CRYBG3: variants seen among roughly 807,000 people sequenced by gnomAD.
The protein encoded by CRYBG3 is very large A-kinase anchor protein.
CRYBG3 carries 127 observed loss-of-function variants against 244.2 expected under a neutral mutation model. That is an observed-to-expected ratio of 0.52 (90% confidence interval 0.45 to 0.60). CRYBG3 has a LOEUF of 0.60. Ranked by LOEUF, CRYBG3 falls within the 20% of genes least tolerant of loss-of-function variation. The pLI, the probability that CRYBG3 is intolerant of heterozygous loss-of-function variation, is 0.00. For synonymous variants in CRYBG3, 1,132 were observed against 1,195.8 expected (o/e 0.95, Z 1.10); for missense variants, 3,325 against 3,442.5 (o/e 0.97, Z 0.85).
At position 97,892,891 on chromosome 3, in the gene CRYBG3, G is replaced by T; in HGVS notation, c.7472G>T (p.Gly2491Val). ...ATTTATGAAAAACCTCACTTCCATG[G>T]ACAGGCTAAAGAGTTTAGTGAACAT... Reference protein sequence around the residue: ...VIIYEKPHFHGQAKEFSEHID... With the variant: ...VIIYEKPHFHVQAKEFSEHID... Residue 2491 changes from glycine to valine, a missense_variant, in exon 11 of 22, where the codon GGA becomes GTA. Physicochemically the swap from Gly to Val is moderately radical, Grantham distance 109. Around this residue, in one of 4 missense-constraint regions of CRYBG3, gnomAD observed 714 missense variants for 803.6 expected, o/e 0.89. Transcript: ENST00000389622. 3 of 1,541,812 alleles carry T rather than the reference G, an allele frequency of 1.9e-6. No homozygotes were observed. Among genetic ancestry groups the T allele is most frequent in the Non-Finnish European group, 1.8e-6 (2 of 1,131,642 alleles).
rs36107870 is a variant in CRYBG3 at position 97,854,591 on chromosome 3, ATT to A, written c.217-9612_217-9611del. Reference sequence around the variant, plus strand: ...TCCTTTGTTAGGTATACTCCTAAGTATTTTTTTTTTTTTTTGCAGCTGTTGTA... The same window carrying A: ...TCCTTTGTTAGGTATACTCCTAAGTATTTTTTTTTTTTTGCAGCTGTTGTA... On this transcript the variant is annotated intron_variant, in intron 2 of 21. Transcript: ENST00000389622. 2.0e-3 allele frequency among the ~76,000 whole-genome samples: 279 copies of A among 136,980 alleles called. 1 individual carries two copies. The Middle Eastern group carries it at 0.03, about 15-fold the overall frequency. The allele number at this position is 136,980 out of a possible 152,430, so 89.9% of individuals were successfully genotyped here.
intron 2 of CRYBG3, among the ~76,000 whole-genome samples, chr3:97,856,660 G>A (rs1250571291): frequency 6.6e-6 from 1 of 152,098 alleles, no homozygotes; most frequent in Non-Finnish European, 1.5e-5. Context: ...ACAACATCCA[G>A]GAATGTATTC....
chr3:97,844,739 C>T (rs1175428536), intron 2 of CRYBG3, among the ~76,000 whole-genome samples: 1 of 152,170 alleles, frequency 6.6e-6, no homozygotes, highest in Non-Finnish European at 1.5e-5. Context: ...AAAGTTACAT[C>T]TTTGTGGATT....
chr3:97,849,667 G>A (rs138303150), intron 2 of CRYBG3, among the ~76,000 whole-genome samples: 14 of 152,228 alleles, frequency 9.2e-5, no homozygotes, highest in East Asian at 1.9e-4. Flanking sequence ...CCTACATTGC[G>A]GTATGATGGA....
chr3:97,940,299 T>C (rs1350135854), intron 19 of CRYBG3, among the ~76,000 whole-genome samples: 3 of 152,028 alleles, frequency 2.0e-5, no homozygotes, highest in Admixed American at 6.6e-5. Flanking sequence ...CATTTCAACA[T>C]AGGTCTGAGA....
At chr3:97,896,175 T>A in intron 12 of CRYBG3, 90 bp downstream of exon 12, 1 of 1,256,652 alleles carries the variant, frequency 8.0e-7, no homozygotes, top group Non-Finnish European at 1.1e-6. Context: ...CATGAGATTA[T>A]AAAATATTTC....
intron 15 of CRYBG3, among the ~76,000 whole-genome samples, chr3:97,910,294 C>T (rs1559741135): frequency 6.6e-6 from 1 of 152,194 alleles, no homozygotes; most frequent in Non-Finnish European, 1.5e-5. Context: ...AGCTTCCTGG[C>T]TGCTTTGTTT....
intron 2 of CRYBG3, among the ~76,000 whole-genome samples, chr3:97,849,423 C>T (rs899341832): frequency 1.3e-5 from 2 of 151,798 alleles, no homozygotes; most frequent in Middle Eastern, 6.8e-3. Context: ...CAAAATCTTG[C>T]CTCTTGATTG....
intron 1 of CRYBG3, among the ~76,000 whole-genome samples, chr3:97,831,953 C>A (rs1483331716): frequency 6.6e-6 from 1 of 151,802 alleles, no homozygotes; most frequent in Admixed American, 6.6e-5. Context: ...CATGTGTTCA[C>A]CTATATGCTT....
At chr3:97,891,835 C>T (rs1042086296) in intron 10 of CRYBG3, among the ~76,000 whole-genome samples, 1 of 152,178 alleles carries the variant, frequency 6.6e-6, no homozygotes, top group Non-Finnish European at 1.5e-5. Context: ...GAATGACTTT[C>T]TGGTGAAGCT....
At position 97,941,254 on chromosome 3, in the gene CRYBG3, G is replaced by C; in HGVS notation, c.8612G>C (p.Ser2871Thr). ...RATSVCISPY[S>T]GKNTQIWYYC... The stretch of plus-strand genomic sequence containing the variant: ...ACATCTGTGTGCATTTCTCCCTATA[G>C]TGGAAAGAATACTCAGATCTGGTAC... Residue 2871 changes from serine to threonine, a missense_variant, in exon 20 of 22, where the codon AGT becomes ACT. Ser to Thr is a moderately conservative substitution (Grantham distance 58). Around this residue, in one of 4 missense-constraint regions of CRYBG3, gnomAD observed 714 missense variants for 803.6 expected, o/e 0.89. Coordinates refer to ENST00000389622, the MANE Select transcript of CRYBG3 (RefSeq NM_153605.4). 1.2e-6 allele frequency: 2 copies of C among 1,611,504 alleles called. No individual in the cohort carries two copies. The highest frequency in any genetic ancestry group is 2.2e-5 in the East Asian group (1 of 44,820).
At chr3:97,924,469 G>A (rs1368431143) in intron 17 of CRYBG3, 2 of 436,808 alleles carry the variant, frequency 4.6e-6, no homozygotes, top group Non-Finnish European at 9.1e-6. Flanking sequence ...TGTAAACTTA[G>A]TAGCTTAAGA....
intron 1 of CRYBG3, among the ~76,000 whole-genome samples, chr3:97,833,618 G>A (rs1282034461): frequency 6.6e-6 from 1 of 151,968 alleles, no homozygotes; most frequent in East Asian, 1.9e-4. Context: ...TACCTAATGT[G>A]ATGACAGGTT....
At chr3:97,881,577 G>C (rs537987778) in intron 7 of CRYBG3, among the ~76,000 whole-genome samples, 4 of 151,936 alleles carry the variant, frequency 2.6e-5, no homozygotes, top group Non-Finnish European at 5.9e-5. Flanking sequence ...TTGGCCGGGC[G>C]TGGTGGTGCA....
intron 17 of CRYBG3, chr3:97,933,007 T>A: frequency 2.5e-6 from 1 of 398,788 alleles, no homozygotes; most frequent in Non-Finnish European, 4.9e-6. Context: ...ATCTGTACAG[T>A]TTTAATTTAA....
chr3:97,872,649 G>C lies in CRYBG3; in HGVS notation c.1455G>C (p.Lys485Asn), dbSNP rs1005616571. ...SDKQTIDSSS[K>N]QAATHTNIIA... ...AGCAAACCATAGATAGCTCATCAAA[G>C]CAAGCTGCCACTCACACCAATATCA... The change falls in exon 4 of 22, where the codon AAG becomes AAC. Residue 485 changes from lysine (K) to asparagine (N), a missense_variant. By Grantham distance (94) the Lys-to-Asn change is moderately conservative (BLOSUM62 0). Around this residue, in one of 4 missense-constraint regions of CRYBG3, gnomAD observed 1,526 missense variants for 1,443.2 expected, o/e 1.06. Coordinates refer to ENST00000389622, the MANE Select transcript of CRYBG3 (RefSeq NM_153605.4). The C allele has an allele frequency of 2.6e-5, 40 of 1,535,868 alleles. No homozygotes were observed. The African/African-American group carries it at 5.3e-4, about 21-fold the overall frequency.
intron 1 of CRYBG3, among the ~76,000 whole-genome samples, chr3:97,831,016 A>G (rs540618221): frequency 1.3e-4 from 20 of 152,330 alleles, no homozygotes; most frequent in African/African-American, 4.3e-4. Flanking sequence ...TCACTAAGAA[A>G]TCAACTGACA....
chr3:97,871,832 C>A lies in CRYBG3; in HGVS notation c.648-10C>A. On this transcript the variant is annotated splice_polypyrimidine_tract_variant and intron_variant, in intron 3 of 21. Coordinates refer to ENST00000389622, the MANE Select transcript of CRYBG3 (RefSeq NM_153605.4). ...ATATTTCCTGATACTCTCATGCTTT[C>A]TTTTTACAGACAAATCGATGGTAAA... 6.8e-7 allele frequency: 1 copy of A among 1,473,140 alleles called. No individual in the cohort carries two copies. Among genetic ancestry groups the A allele is most frequent in the Non-Finnish European group, 8.9e-7 (1 of 1,121,378 alleles). The allele number at this position is 1,473,140 out of a possible 1,614,324, so 91.3% of individuals were successfully genotyped here.
At chr3:97,910,423 G>A (rs576653095) in intron 15 of CRYBG3, among the ~76,000 whole-genome samples, 1 of 152,132 alleles carries the variant, frequency 6.6e-6, no homozygotes, top group Non-Finnish European at 1.5e-5. Context: ...AGGACCCTCC[G>A]AGCCAGGTGC....
Sources: allele counts gnomAD v4.1 joint callset (sites outside exome capture counted in the v4.1 genomes callset), GRCh38; gene constraint gnomAD v4.1.1; regional missense constraint gnomAD v4.1.1; transcripts MANE v1.5; gene names NCBI Gene and HGNC (gene_info 2026-07-23, HGNC 2026-07-21).